TOP2B: variants seen among roughly 807,000 people sequenced by gnomAD.
TOP2B encodes DNA topoisomerase 2-beta.
TOP2B carries 51 observed loss-of-function variants against 193.5 expected under a neutral mutation model. The ratio of observed to expected loss-of-function variants is 0.26; its 90% CI spans 0.21 to 0.33. TOP2B has a LOEUF of 0.33. Among genes scored for constraint, TOP2B ranks in the 10% least tolerant of loss-of-function variants. The pLI, the probability that TOP2B is intolerant of heterozygous loss-of-function variation, is 1.00. For missense variants in TOP2B, 1,378 were observed against 1,909.3 expected, an observed-to-expected ratio of 0.72 and a Z score of 5.19; for synonymous variants, 634 against 635.7, an observed-to-expected ratio of 1.00 and a Z score of 0.04.
At chr3:25,626,483 A>G (rs1174933928) in intron 18 of TOP2B, 77 bp downstream of exon 18, 2 of 805,228 alleles carry the variant, frequency 2.5e-6, no homozygotes, top group Non-Finnish European at 3.8e-6. Context: ...AATATGTATC[A>G]TAAGGATGGC....
At chr3:25,660,981 T>G (rs1349818117) in intron 1 of TOP2B, among the ~76,000 whole-genome samples, 2 of 150,510 alleles carry the variant, frequency 1.3e-5, no homozygotes, top group African/African-American at 2.5e-5. Flanking sequence ...AGGGATAAAG[T>G]GGGTGGTCTT....
At chr3:25,632,151 A>G (rs903188022) in intron 10 of TOP2B, among the ~76,000 whole-genome samples, 4 of 152,070 alleles carry the variant, frequency 2.6e-5, no homozygotes, top group African/African-American at 9.7e-5. Context: ...AAAGAGTTGC[A>G]TAAGGATCTG....
At position 25,608,424 on chromosome 3, in the gene TOP2B, T is replaced by G. The variant is rs148787451; in HGVS notation, c.4093+759A>C. Among the ~76,000 whole-genome samples, 803 of 152,316 alleles carry G rather than the reference T, an allele frequency of 5.3e-3. 2 individuals are homozygous for G. The highest frequency in any genetic ancestry group is 0.02 in the Middle Eastern group (6 of 294). ...TGTAATAAACCATTTTCATATAACT[T>G]ACTCATATTAAAGATTCACCTATAT... On this transcript the variant is annotated intron_variant, in intron 30 of 35. Coordinates refer to ENST00000264331, the MANE Select transcript of TOP2B (RefSeq NM_001330700.2).
intron 4 of TOP2B, among the ~76,000 whole-genome samples, chr3:25,640,383 A>AG (rs939764978): frequency 6.6e-6 from 1 of 152,160 alleles, no homozygotes; most frequent in Non-Finnish European, 1.5e-5. Flanking sequence ...ACAAGAAAGG[A>AG]GGGGTGAAAA....
intron 34 of TOP2B, among the ~76,000 whole-genome samples, chr3:25,599,814 G>A (rs766808303): frequency 1.3e-5 from 2 of 152,088 alleles, no homozygotes; most frequent in Non-Finnish European, 2.9e-5. Context: ...TTTGCTATTT[G>A]GTCCTTGAGC....
intron 5 of TOP2B, 115 bp downstream of exon 5, chr3:25,638,050 A>C: frequency 1.0e-6 from 1 of 987,484 alleles, no homozygotes; most frequent in African/African-American, 1.7e-5. Flanking sequence ...TAGTTTATAA[A>C]TATTAATTCT....
chr3:25,650,878 C>T (rs1045674588), intron 1 of TOP2B, among the ~76,000 whole-genome samples: 1 of 152,182 alleles, frequency 6.6e-6, no homozygotes, highest in Non-Finnish European at 1.5e-5. Context: ...ACCATTCTTT[C>T]ACCTAAGCTT....
chr3:25,648,301 CAAAG>C (rs1456053737), intron 1 of TOP2B, among the ~76,000 whole-genome samples: 1 of 152,176 alleles, frequency 6.6e-6, no homozygotes, highest in African/African-American at 2.4e-5. Flanking sequence ...GTAAAGCAGA[CAAAG>C]ACACACCAGA....
In TOP2B at chr3:25,627,308, T is replaced by A. The variant is rs758919842; in HGVS notation, c.1907-12A>T. ...ACTAGTACCCAATCCTGCACAATTT[T>A]AAAAATAAAAGTGAGTCATGAATAT... On this transcript the variant is annotated splice_polypyrimidine_tract_variant and intron_variant, in intron 15 of 35. Transcript: ENST00000264331. 2.0e-6 allele frequency: 3 copies of A among 1,524,208 alleles called. No homozygotes were observed. Among genetic ancestry groups the A allele is most frequent in the Non-Finnish European group, 2.7e-6 (3 of 1,129,180 alleles). The allele number at this position is 1,524,208 out of a possible 1,614,324, so 94.4% of individuals were successfully genotyped here. A position where few individuals can be genotyped will look rare whatever the true frequency, so the allele number is the denominator to read the frequency against.
chr3:25,609,827 T>G (rs941240167), intron 28 of TOP2B, 115 bp from the exon 29 acceptor site: 2 of 1,051,468 alleles, frequency 1.9e-6, no homozygotes, highest in Non-Finnish European at 2.6e-6. Context: ...AAAACAGTGA[T>G]TCTGATGAGG....
chr3:25,631,738 A>G (rs1702965070), intron 10 of TOP2B, among the ~76,000 whole-genome samples: 1 of 152,106 alleles, frequency 6.6e-6, no homozygotes, highest in South Asian at 2.1e-4. Context: ...AATTTGGGAA[A>G]GCATTAATAT....
At chr3:25,650,224 T>C (rs1380815551) in intron 1 of TOP2B, among the ~76,000 whole-genome samples, 3 of 152,228 alleles carry the variant, frequency 2.0e-5, no homozygotes, top group African/African-American at 7.2e-5. Context: ...CTGGGGATTT[T>C]TCTGCTAAAA....
chr3:25,644,706 G>A (rs1575583200), intron 2 of TOP2B, among the ~76,000 whole-genome samples: 2 of 135,024 alleles, frequency 1.5e-5, no homozygotes, highest in South Asian at 2.7e-4. Flanking sequence ...GGGTGGGGGG[G>A]CATCAGGGGG....
In TOP2B at chr3:25,599,540, T is replaced by C. The variant is rs1702032699; in HGVS notation, c.4616-11A>G. On this transcript the variant is annotated splice_polypyrimidine_tract_variant and intron_variant, in intron 34 of 35. Transcript: ENST00000264331. ...CCCCTCGGCCTTTACCTTAAAATGA[T>C]ACAAAAGGTTTTTTCTTCCGTGGTT... 1 of 1,605,474 alleles carries C rather than the reference T, an allele frequency of 6.2e-7. No individual in the cohort carries two copies. The highest frequency in any genetic ancestry group is 1.1e-5 in the South Asian group (1 of 89,270).
At chr3:25,655,635 G>T (rs992662069) in intron 1 of TOP2B, among the ~76,000 whole-genome samples, 4 of 152,214 alleles carry the variant, frequency 2.6e-5, no homozygotes, top group Non-Finnish European at 5.9e-5. Flanking sequence ...CAACCCAAAT[G>T]TTCACTGGTG....
At chr3:25,644,717 T>G (rs1575583217) in intron 2 of TOP2B, among the ~76,000 whole-genome samples, 19 of 131,984 alleles carry the variant, frequency 1.4e-4, no homozygotes, top group Admixed American at 3.1e-4. Context: ...CATCAGGGGG[T>G]GATGGGAGAT....
intron 1 of TOP2B, among the ~76,000 whole-genome samples, chr3:25,649,731 G>C (rs2125402018): frequency 6.6e-6 from 1 of 152,120 alleles, no homozygotes; most frequent in East Asian, 1.9e-4. Flanking sequence ...TCACCACTAG[G>C]TTTGCCCAAC....
chr3:25,618,837 G>T lies in TOP2B; in HGVS notation c.3076C>A (p.His1026Asn). 1 of 1,601,964 alleles carries T rather than the reference G, an allele frequency of 6.2e-7. No homozygotes were observed. The highest frequency in any genetic ancestry group is 8.5e-7 in the Non-Finnish European group (1 of 1,173,406). ...TCATATTTCTTCAGACATCCCATAT[G>T]ATCAAAAAGTACCTAAGCAAAACAC... is the stretch of plus-strand genomic sequence containing the variant. The part of the protein sequence containing the change: ...LTCNSMVLFD[H>N]MGCLKKYETV... Residue 1026 changes from histidine to asparagine, a missense_variant, in exon 24 of 36, where the codon CAT (histidine) becomes AAT (asparagine). His to Asn is a moderately conservative substitution (Grantham distance 68, BLOSUM62 1). This residue lies in a region of TOP2B where 379 missense variants were observed against 615.1 expected (regional missense o/e 0.62). Transcript: ENST00000264331.
Position 25,606,139 on chromosome 3 carries a change from A to G in TOP2B, c.4299-17T>C. On this transcript the variant is annotated splice_polypyrimidine_tract_variant and intron_variant, in intron 31 of 35. Coordinates refer to ENST00000264331, the MANE Select transcript of TOP2B (RefSeq NM_001330700.2). ...AAAGATTTTCTATTAGAAAGAAAAT[A>G]AACACCACAGAGGATACAATTTAAA... The G allele has an allele frequency of 7.8e-7, 1 of 1,276,108 alleles. No homozygotes were observed. The highest frequency in any genetic ancestry group is 1.4e-5 in the South Asian group (1 of 69,822). The allele number at this position is 1,276,108 out of a possible 1,614,324, so 79.0% of individuals were successfully genotyped here. A position where few individuals can be genotyped will look rare whatever the true frequency, so the allele number is the denominator to read the frequency against.
Sources: gnomAD v4.1 joint callset for allele counts (sites outside exome capture counted in the v4.1 genomes callset) on GRCh38, gnomAD v4.1.1 for gene constraint, gnomAD v4.1.1 regional missense constraint, MANE v1.5 for transcripts, NCBI Gene and HGNC (gene_info 2026-07-23, HGNC 2026-07-21) for gene names.